CNGA1: variants seen among roughly 807,000 people sequenced by gnomAD.
The protein encoded by CNGA1 is cyclic nucleotide gated channel subunit alpha 1, also known as cyclic nucleotide-gated channel alpha-1.
In CNGA1, 53 loss-of-function variants were observed where a neutral mutation model predicts 69.7. That is an observed-to-expected ratio of 0.76 (90% CI 0.61 to 0.96). The LOEUF (loss-of-function observed/expected upper bound fraction) is 0.96. Among genes scored for constraint, CNGA1 ranks in the 40% least tolerant of loss-of-function variants. CNGA1 has a pLI of 0.00. For synonymous variants in CNGA1, 249 were observed against 283.5 expected (o/e 0.88, Z 1.22); for missense variants, 739 against 811.2 (o/e 0.91, Z 1.08).
intron 1 of CNGA1, among the ~76,000 whole-genome samples, chr4:48,012,402 C>A (rs1363108095): frequency 6.6e-6 from 1 of 152,046 alleles, no homozygotes; most frequent in African/African-American, 2.4e-5. Context: ...CCTTAGCTAT[C>A]GGGTGGGACC....
intron 2 of CNGA1, among the ~76,000 whole-genome samples, chr4:47,994,984 T>C (rs940511814): frequency 6.6e-6 from 1 of 152,178 alleles, no homozygotes; most frequent in African/African-American, 2.4e-5. Context: ...ATTGTTTTGT[T>C]TGAGGAGGCT....
intron 2 of CNGA1, among the ~76,000 whole-genome samples, 154 bp downstream of exon 2, chr4:48,010,640 G>A (rs749552473): frequency 1.2e-4 from 19 of 152,308 alleles, no homozygotes; most frequent in East Asian, 5.8e-4. Flanking sequence ...ATTAGAAGCC[G>A]TGGGTCATGG....
Position 47,942,152 on chromosome 4 carries a change from G to A in CNGA1, c.438-4C>T, listed in dbSNP as rs751228654. On this transcript the variant is annotated splice_polypyrimidine_tract_variant and splice_region_variant and intron_variant, in intron 8 of 10. Coordinates refer to ENST00000514170, the MANE Select transcript of CNGA1 (RefSeq NM_001379270.1). ...AACCACAACTTCTTTCTTCTCCCTA[G>A]CGGCAATTAGAAATAAAGGGGATAG... 3.8e-6 allele frequency: 6 copies of A among 1,578,250 alleles called. No homozygotes were observed. The highest frequency in any genetic ancestry group is 4.4e-6 in the Non-Finnish European group (5 of 1,147,550).
chr4:47,942,386 G>A (rs1739140274), intron 8 of CNGA1, among the ~76,000 whole-genome samples: 2 of 137,788 alleles, frequency 1.5e-5, no homozygotes, highest in South Asian at 2.4e-4. Flanking sequence ...TTTTTTGAGA[G>A]GCCAGCTATG....
chr4:47,966,935 A>G (rs998034318), intron 3 of CNGA1, among the ~76,000 whole-genome samples: 13 of 152,222 alleles, frequency 8.5e-5, no homozygotes, highest in African/African-American at 3.1e-4. Context: ...ACCCATTTAT[A>G]ACTAGAACTC....
chr4:47,977,788 A>G (rs1578105892), intron 3 of CNGA1, among the ~76,000 whole-genome samples: 1 of 152,134 alleles, frequency 6.6e-6, no homozygotes, highest in East Asian at 1.9e-4. Context: ...ATAAAAAAGT[A>G]TACATCTACA....
intron 2 of CNGA1, among the ~76,000 whole-genome samples, chr4:48,004,244 A>T (rs557815683): frequency 6.6e-6 from 1 of 152,120 alleles, no homozygotes; most frequent in South Asian, 2.1e-4. Flanking sequence ...ATCATTGGAG[A>T]TGGCTCACAC....
chr4:47,968,332 T>A (rs192266316), intron 3 of CNGA1, among the ~76,000 whole-genome samples: 10 of 152,292 alleles, frequency 6.6e-5, no homozygotes, highest in East Asian at 1.9e-4. Flanking sequence ...GGAGTTTTTT[T>A]TAATCTTTTT....
At chr4:48,006,679 T>TCACCCA (rs1714934034) in intron 2 of CNGA1, among the ~76,000 whole-genome samples, 1 of 152,288 alleles carries the variant, frequency 6.6e-6, no homozygotes, top group African/African-American at 2.4e-5. Context: ...TGGAGTGCAG[T>TCACCCA]GGCATGATCT....
At position 47,943,232 on chromosome 4, in the gene CNGA1, T is replaced by C. The variant is rs763963244; in HGVS notation, c.386A>G (p.Lys129Arg). Reference sequence around the variant, plus strand: ...CTCTTTCTTTTTCTTCTCTTTGTCCTTTTTCTTCTTTTTCTTCTCTGGGTC... The same window carrying C: ...CTCTTTCTTTTTCTTCTCTTTGTCCCTTTTCTTCTTTTTCTTCTCTGGGTC... ...KNDPEKKKKK[K>R]DKEKKKKEEK... The change falls in exon 8 of 11, where the codon AAG (lysine) becomes AGG (arginine). Residue 129 changes from lysine (K) to arginine (R), a missense_variant. Physicochemically the swap from Lys to Arg is conservative, Grantham distance 26. Transcript: ENST00000514170. 1 of 1,588,762 alleles carries C rather than the reference T, an allele frequency of 6.3e-7. No individual in the cohort carries two copies. Among genetic ancestry groups the C allele is most frequent in the South Asian group, 1.1e-5 (1 of 87,600 alleles).
At chr4:47,944,696 A>G (rs570162711) in intron 6 of CNGA1, among the ~76,000 whole-genome samples, 2 of 152,306 alleles carry the variant, frequency 1.3e-5, no homozygotes, top group South Asian at 4.1e-4. Flanking sequence ...TGGGCTGGTG[A>G]GAGGGATATT....
At chr4:47,997,639 T>A (rs1214663361) in intron 2 of CNGA1, among the ~76,000 whole-genome samples, 1 of 152,182 alleles carries the variant, frequency 6.6e-6, no homozygotes, top group African/African-American at 2.4e-5. Context: ...CTAAATATAT[T>A]GTGATAATCA....
chr4:47,998,648 C>A (rs979008529), intron 2 of CNGA1, among the ~76,000 whole-genome samples: 2 of 152,122 alleles, frequency 1.3e-5, no homozygotes, highest in Non-Finnish European at 2.9e-5. Flanking sequence ...CAAGGTGGCA[C>A]ATGCCTGCAG....
At chr4:47,938,987 AAGAAAG>A (rs753616983) in intron 10 of CNGA1, among the ~76,000 whole-genome samples, 14 of 148,880 alleles carry the variant, frequency 9.4e-5, no homozygotes, top group Admixed American at 3.3e-4. Flanking sequence ...AAAAGAAAGA[AAGAAAG>A]AGAAAGAAAG....
At chr4:48,009,282 T>C (rs1426379892) in intron 2 of CNGA1, among the ~76,000 whole-genome samples, 1 of 151,864 alleles carries the variant, frequency 6.6e-6, no homozygotes, top group Non-Finnish European at 1.5e-5. Context: ...CTGGCTAACA[T>C]GGTGAAACCC....
intron 2 of CNGA1, among the ~76,000 whole-genome samples, chr4:47,993,350 A>T (rs1408725980): frequency 6.6e-6 from 1 of 152,006 alleles, no homozygotes; most frequent in African/African-American, 2.4e-5. Flanking sequence ...TTAAGTTACC[A>T]TTTCAATCTC....
At chr4:48,001,792 A>T (rs1256621225) in intron 2 of CNGA1, among the ~76,000 whole-genome samples, 1 of 152,132 alleles carries the variant, frequency 6.6e-6, no homozygotes, top group Non-Finnish European at 1.5e-5. Context: ...TGGGCCATAA[A>T]CCAAATCTCA....
intron 8 of CNGA1, 128 bp from the exon 9 acceptor site, chr4:47,942,276 T>C: frequency 1.4e-6 from 1 of 709,720 alleles, no homozygotes. Flanking sequence ...AAGCTCACTC[T>C]GCAGTGTGAA....
At chr4:47,962,343 C>CAAA (rs34020963) in intron 3 of CNGA1, among the ~76,000 whole-genome samples, 4 of 126,130 alleles carry the variant, frequency 3.2e-5, no homozygotes, top group African/African-American at 1.3e-4. Flanking sequence ...GACTCTGTCT[C>CAAA]AAAAAAAAAA....
Sources: gnomAD v4.1 joint callset for allele counts (sites outside exome capture counted in the v4.1 genomes callset) on GRCh38, gnomAD v4.1.1 for gene constraint, MANE v1.5 for transcripts, NCBI Gene and HGNC (gene_info 2026-07-23, HGNC 2026-07-21) for gene names.